The following AMZ1 variants were observed in gnomAD, a reference collection of about 807,000 sequenced individuals.
AMZ1 encodes archaemetzincin-1.
A neutral mutation model predicts 29.9 loss-of-function variants in AMZ1; 39 were observed. That is an observed-to-expected ratio of 1.30 (90% CI 1.01 to 1.70). AMZ1 has a LOEUF of 1.70. AMZ1 is among the 40% of genes most tolerant of loss of function. The pLI is 0.00. For synonymous variants in AMZ1, 458 were observed against 304.0 expected, an observed-to-expected ratio of 1.51 and a Z score of -5.27; for missense variants, 1,041 against 680.6, an observed-to-expected ratio of 1.53 and a Z score of -5.89.
intron 4 of AMZ1, among the ~76,000 whole-genome samples, chr7:2,759,139 CAAAATAAA>C (rs1258974531): frequency 3.7e-5 from 5 of 136,778 alleles, no homozygotes; most frequent in Non-Finnish European, 6.3e-5. Flanking sequence ...AACACTGTCT[CAAAATAAA>C]TAAATAAATA....
Position 2,714,022 on chromosome 7 carries a change from T to G in AMZ1, c.*1144T>G, listed in dbSNP as rs762033524. Reference sequence around the variant, plus strand: ...TTTTGCCGGATTTTGCTTCCTGCACTTTGAAGCTCCTTTACGTCCCTGCAC... The same window carrying G: ...TTTTGCCGGATTTTGCTTCCTGCACGTTGAAGCTCCTTTACGTCCCTGCAC... On this transcript the variant is annotated 3_prime_UTR_variant, in exon 7 of 7. Coordinates refer to ENST00000683327, the MANE Select transcript of AMZ1 (RefSeq NM_001384743.1). The G allele has an allele frequency of 1.3e-5, 2 of 152,262 alleles. No individual in the cohort carries two copies. Among genetic ancestry groups the G allele is most frequent in the Non-Finnish European group, 2.9e-5 (2 of 68,054 alleles). The allele number at this position is 152,262 out of a possible 1,614,324, so 9.4% of individuals were successfully genotyped here.
At position 2,708,613 on chromosome 7, in the gene AMZ1, C is replaced by T. The variant is rs140944402; in HGVS notation, c.498C>T (p.Asn166=). The T allele has an allele frequency of 8.7e-6, 14 of 1,612,908 alleles. No homozygotes were observed. In the African/African-American group the frequency reaches 1.3e-4, roughly 15 times the overall value. The change falls in exon 4 of 7, where the codon AAC becomes AAT. Residue 166 remains asparagine, a synonymous_variant. Coordinates refer to ENST00000683327, the MANE Select transcript of AMZ1 (RefSeq NM_001384743.1). ...ACGGCATCCTGTCCTTCTTGAAGAA[C>T]AACAAGCCAGGGGACGCGCTGTGTG... ...HTDGILSFLK[N]NKPGDALCVL...
chr7:2,734,148 C>G (rs937713281), intron 4 of AMZ1, among the ~76,000 whole-genome samples: 2 of 152,138 alleles, frequency 1.3e-5, no homozygotes, highest in African/African-American at 4.8e-5. Context: ...TTCCATAGTG[C>G]GAAGGGCCCT....
At chr7:2,696,013 GA>G (rs35492098) in intron 1 of AMZ1, among the ~76,000 whole-genome samples, 6,874 of 107,136 alleles carry the variant, frequency 0.064, 331 homozygotes, top group African/African-American at 0.14. Flanking sequence ...TCTTGGGGGG[GA>G]AAAAAAAAAA....
At chr7:2,746,176 G>C (rs372904949) in intron 4 of AMZ1, among the ~76,000 whole-genome samples, 9 of 152,176 alleles carry the variant, frequency 5.9e-5, no homozygotes, top group African/African-American at 2.2e-4. Context: ...AGACCTAATA[G>C]ACATCTACGG....
upstream of AMZ1, among the ~76,000 whole-genome samples, chr7:2,687,484 G>C (rs1346950924): frequency 6.6e-6 from 1 of 152,256 alleles, no homozygotes; most frequent in East Asian, 1.9e-4. Context: ...AGGGTTTGCA[G>C]AGAGGAAAAG....
chr7:2,715,577 TAAAA>T lies in AMZ1; in HGVS notation c.*2704_*2707del, dbSNP rs762758736. 6.6e-6 allele frequency: 1 copy of T among 152,066 alleles called. No homozygotes were observed. Among genetic ancestry groups the T allele is most frequent in the Non-Finnish European group, 1.5e-5 (1 of 67,996 alleles). 9.4% of individuals were successfully genotyped at this position (152,066 alleles called of 1,614,324 possible). ...TTTGAAGTGGGAAGGAGCAAACCAC[TAAAA>T]AAAACTCCTTTTATCCGCAGCGTTT... is the stretch of plus-strand genomic sequence containing the variant. On this transcript the variant is annotated 3_prime_UTR_variant, in exon 7 of 7. Coordinates refer to ENST00000683327, the MANE Select transcript of AMZ1 (RefSeq NM_001384743.1).
chr7:2,747,136 T>C (rs1365141491), intron 4 of AMZ1, among the ~76,000 whole-genome samples: 5 of 151,848 alleles, frequency 3.3e-5, no homozygotes, highest in African/African-American at 4.8e-5. Context: ...TTCCAATCAA[T>C]AGAAAAAGAG....
intron 4 of AMZ1, chr7:2,729,488 G>C (rs1789776115): frequency 6.6e-6 from 1 of 152,366 alleles, no homozygotes; most frequent in Admixed American, 6.5e-5. Context: ...ACACAGCCTC[G>C]AGCACTGCGA....
At position 2,708,512 on chromosome 7, in the gene AMZ1, G is replaced by A. The variant is rs147862622; in HGVS notation, c.473-76G>A. On this transcript the variant is annotated intron_variant, in intron 3 of 6. Coordinates refer to ENST00000683327, the MANE Select transcript of AMZ1 (RefSeq NM_001384743.1). ...GGCCCAGGCAGAGGAAGAGGATGAC[G>A]GGGTGCCAGCCTGAGCCTGGAAGAT... The A allele has an allele frequency of 4.8e-4, 756 of 1,588,616 alleles. 1 individual carries two copies. The African/African-American group carries it at 5.0e-3, about 11-fold the overall frequency.
chr7:2,731,610 G>T lies in AMZ1; in HGVS notation n.550+21794G>T, dbSNP rs1431626569. 1 of 1,613,864 alleles carries T rather than the reference G, an allele frequency of 6.2e-7. No homozygotes were observed. Among genetic ancestry groups the T allele is most frequent in the African/African-American group, 1.3e-5 (1 of 74,914 alleles). On this transcript the variant is annotated intron_variant and non_coding_transcript_variant, in intron 4 of 4. Transcript: ENST00000489665. This position sits in a 1 kb window ranked among gnomAD's most constrained non-coding sequence, Gnocchi z 6.0. ...TGGACGTGATCCCGTCGAAGCACTG[G>T]AACCACTTCTGGCGCTGGGACCGCT... is the stretch of plus-strand genomic sequence containing the variant.
At chr7:2,733,575 C>G in intron 4 of AMZ1, 3 of 1,191,948 alleles carry the variant, frequency 2.5e-6, no homozygotes, top group South Asian at 2.5e-5. Flanking sequence ...AAGAACTGAA[C>G]AGGGTAAGAG....
At position 2,712,500 on chromosome 7, in the gene AMZ1, G is replaced by T. The variant is rs539017274; in HGVS notation, c.1119G>T (p.Gly373=). Reference sequence around the variant, plus strand: ...CGGAGCCCCTCACCCCTGATGCCGGGAGTCACACCTTCGCCTCGGGGCCAG... The same window carrying T: ...CGGAGCCCCTCACCCCTGATGCCGGTAGTCACACCTTCGCCTCGGGGCCAG... The part of the protein sequence containing the change: ...SVSEPLTPDA[G]SHTFASGPEE... The change falls in exon 7 of 7, where the codon GGG becomes GGT. Residue 373 remains glycine, a synonymous_variant. Coordinates refer to ENST00000683327, the MANE Select transcript of AMZ1 (RefSeq NM_001384743.1). The T allele has an allele frequency of 1.9e-6, 3 of 1,609,298 alleles. No individual in the cohort carries two copies. The highest frequency in any genetic ancestry group is 1.7e-4 in the Middle Eastern group (1 of 6,046).
chr7:2,708,832 A>G, intron 4 of AMZ1, 116 bp downstream of exon 4: 1 of 1,505,520 alleles, frequency 6.6e-7, no homozygotes, highest in Non-Finnish European at 9.0e-7. Flanking sequence ...GGTGGAAGTC[A>G]ACACCTGTGC....
chr7:2,696,540 A>G (rs952565903), intron 1 of AMZ1, among the ~76,000 whole-genome samples: 4 of 148,340 alleles, frequency 2.7e-5, no homozygotes, highest in South Asian at 4.7e-4. Flanking sequence ...TACAGGCGTG[A>G]GCCACCGCAC....
At chr7:2,730,970 G>T in intron 4 of AMZ1, 1 of 525,960 alleles carries the variant, frequency 1.9e-6, no homozygotes, top group Non-Finnish European at 3.4e-6. Context: ...AGTTTCACTC[G>T]CCCCCAGGAT....
Position 2,708,744 on chromosome 7 carries a change from T to TG in AMZ1, c.601+34dup, listed in dbSNP as rs546120261. The TG allele has an allele frequency of 8.7e-5, 140 of 1,611,256 alleles. No individual in the cohort carries two copies. The East Asian group carries it at 8.7e-4, about 10-fold the overall frequency. ...GAGCCGGGGCCCCAGCAGCTGTGCG[T>TG]GGGGGGTAGCCTGGCATGGGGCTGT... is the stretch of plus-strand genomic sequence containing the variant. On this transcript the variant is annotated intron_variant, in intron 4 of 6. Coordinates refer to ENST00000683327, the MANE Select transcript of AMZ1 (RefSeq NM_001384743.1).
chr7:2,691,530 C>G (rs1787385863), intron 1 of AMZ1, among the ~76,000 whole-genome samples: 1 of 148,382 alleles, frequency 6.7e-6, no homozygotes, highest in South Asian at 2.1e-4. Context: ...ATCACAAGGT[C>G]AGGAGTCTGA....
At chr7:2,696,484 C>T (rs1469513505) in intron 1 of AMZ1, among the ~76,000 whole-genome samples, 2 of 150,226 alleles carry the variant, frequency 1.3e-5, no homozygotes, top group Non-Finnish European at 3.0e-5. Context: ...GTCTCGATCT[C>T]CTGACCTCGT....
Sources: gnomAD v4.1 joint callset for allele counts (sites outside exome capture counted in the v4.1 genomes callset) on GRCh38, gnomAD v4.1.1 for gene constraint, Gnocchi (gnomAD v3.1) non-coding constraint, MANE v1.5 for transcripts, NCBI Gene and HGNC (gene_info 2026-07-23, HGNC 2026-07-21) for gene names.